SLC35F4: variants seen among roughly 807,000 people sequenced by gnomAD.
The protein encoded by SLC35F4 is solute carrier family 35 member F4, also known as chromosome 14 open reading frame 36.
Under a neutral mutation model 44.2 loss-of-function variants are expected in SLC35F4, and 24 were observed. That is an observed-to-expected ratio of 0.54 (90% CI 0.39 to 0.76). The LOEUF (loss-of-function observed/expected upper bound fraction) is 0.76. Among genes scored for constraint, SLC35F4 ranks in the 30% least tolerant of loss-of-function variants. The pLI, the probability that SLC35F4 is intolerant of heterozygous loss-of-function variation, is 0.00. For missense variants in SLC35F4, 562 were observed against 586.1 expected, an observed-to-expected ratio of 0.96 and a Z score of 0.42; for synonymous variants, 238 against 223.6, an observed-to-expected ratio of 1.06 and a Z score of -0.57.
intron 1 of SLC35F4, among the ~76,000 whole-genome samples, chr14:57,818,754 G>A (rs1882870733): frequency 6.6e-6 from 1 of 152,188 alleles, no homozygotes; most frequent in Non-Finnish European, 1.5e-5. Flanking sequence ...ATGAACTCTA[G>A]AATGGGTTAC....
Position 57,885,136 on chromosome 14 carries a change from C to A in SLC35F4, n.282+96777G>T, listed in dbSNP as rs1172348239. On this transcript the variant is annotated intron_variant and non_coding_transcript_variant, in intron 1 of 1. Coordinates refer to the SLC35F4 transcript ENST00000556568. Reference sequence around the variant, plus strand: ...AGGCTCCTGCCCCCAACACACTTTACAATTCCTTTCTCTTTGTATGAAAAT... The same window carrying A: ...AGGCTCCTGCCCCCAACACACTTTAAAATTCCTTTCTCTTTGTATGAAAAT... Among the ~76,000 whole-genome samples, 3 of 152,142 alleles carry A rather than the reference C, an allele frequency of 2.0e-5. No individual in the cohort carries two copies. The East Asian group carries it at 5.8e-4, about 29-fold the overall frequency.
intron 1 of SLC35F4, among the ~76,000 whole-genome samples, chr14:57,739,952 G>A (rs553363885): frequency 6.4e-4 from 98 of 152,014 alleles, no homozygotes; most frequent in Non-Finnish European, 9.7e-4. Flanking sequence ...CTCTGCCTGC[G>A]GGGTTCAAGC....
intron 1 of SLC35F4, among the ~76,000 whole-genome samples, chr14:57,969,199 TA>T (rs1880979097): frequency 6.6e-6 from 1 of 152,184 alleles, no homozygotes; most frequent in Non-Finnish European, 1.5e-5. Flanking sequence ...ATATCATTCA[TA>T]TTATGCTTAA....
chr14:57,716,065 G>C (rs1384311969), intron 1 of SLC35F4, among the ~76,000 whole-genome samples: 1 of 152,222 alleles, frequency 6.6e-6, no homozygotes, highest in East Asian at 1.9e-4. Flanking sequence ...AGAACCTACA[G>C]TGAGAGCTGC....
chr14:57,766,765 T>C (rs1441344175), intron 1 of SLC35F4, among the ~76,000 whole-genome samples: 1 of 152,162 alleles, frequency 6.6e-6, no homozygotes, highest in Non-Finnish European at 1.5e-5. Flanking sequence ...ATTAAAAGTG[T>C]TCAATAAAAC....
intron 1 of SLC35F4, among the ~76,000 whole-genome samples, chr14:57,738,457 C>A (rs1477851110): frequency 1.3e-5 from 2 of 152,102 alleles, no homozygotes; most frequent in African/African-American, 4.8e-5. Flanking sequence ...CACTTCTGTA[C>A]TGCACATGGG....
In SLC35F4 at chr14:57,581,288, G is replaced by A. The variant is rs766679033; in HGVS notation, c.733C>T (p.Leu245=). The A allele has an allele frequency of 1.9e-6, 3 of 1,613,584 alleles. No homozygotes were observed. The highest frequency in any genetic ancestry group is 1.7e-5 in the Admixed American group (1 of 59,940). ...ACAAAGGCTTTGTTACAACAGAACA[G>A]AGCGGAGACATCCGTGGCCGTCAGC... The part of the protein sequence containing the change: ...KKLTATDVSA[L]FCCNKAFVFL... Residue 245 remains leucine, a synonymous_variant, in exon 4 of 8, where the codon CTG becomes TTG. Coordinates refer to ENST00000556826, the MANE Select transcript of SLC35F4 (RefSeq NM_001306087.2).
intron 1 of SLC35F4, among the ~76,000 whole-genome samples, chr14:57,646,054 T>A (rs1025147896): frequency 6.6e-6 from 1 of 152,230 alleles, no homozygotes; most frequent in Non-Finnish European, 1.5e-5. Context: ...TTTGTACCAA[T>A]GTTCATCAAG....
chr14:57,596,658 G>C, intron 1 of SLC35F4: 1 of 650,776 alleles, frequency 1.5e-6, no homozygotes, highest in South Asian at 1.4e-5. Flanking sequence ...GTTGGGATGG[G>C]ATTGAGATCA....
chr14:57,918,430 CCTCA>C (rs1469635539), intron 1 of SLC35F4, among the ~76,000 whole-genome samples: 1 of 152,132 alleles, frequency 6.6e-6, no homozygotes, highest in Non-Finnish European at 1.5e-5. Flanking sequence ...TTCCCTGTGA[CCTCA>C]CTTCTCTGTC....
chr14:57,871,143 C>T (rs938354443), intron 1 of SLC35F4, among the ~76,000 whole-genome samples: 3 of 152,166 alleles, frequency 2.0e-5, no homozygotes, highest in Non-Finnish European at 4.4e-5. Context: ...ATTAGGCTTC[C>T]CAGCTTCAGC....
intron 1 of SLC35F4, among the ~76,000 whole-genome samples, chr14:57,744,315 A>C (rs2076699251): frequency 6.6e-6 from 1 of 152,220 alleles, no homozygotes; most frequent in Non-Finnish European, 1.5e-5. Context: ...ATGATTGTAT[A>C]TCTAGAAAAC....
chr14:57,833,242 T>C (rs1349175331), intron 1 of SLC35F4, among the ~76,000 whole-genome samples: 1 of 152,206 alleles, frequency 6.6e-6, no homozygotes, highest in Non-Finnish European at 1.5e-5. Context: ...CGGTCCCTAA[T>C]GAGATTACCT....
chr14:57,867,387 C>T (rs1211399125), upstream of SLC35F4, among the ~76,000 whole-genome samples: 1 of 151,998 alleles, frequency 6.6e-6, no homozygotes, highest in African/African-American at 2.4e-5. Context: ...AAGCTTAGCA[C>T]GGGATCTTGA....
At chr14:57,756,132 T>C (rs1385542049) in intron 1 of SLC35F4, among the ~76,000 whole-genome samples, 1 of 152,202 alleles carries the variant, frequency 6.6e-6, no homozygotes, top group Non-Finnish European at 1.5e-5. Context: ...GATTTCATTT[T>C]CTCCTTTTTT....
At chr14:57,877,294 G>A (rs1888418632) in intron 1 of SLC35F4, among the ~76,000 whole-genome samples, 1 of 152,100 alleles carries the variant, frequency 6.6e-6, no homozygotes, top group Non-Finnish European at 1.5e-5. Flanking sequence ...TTGACTTAGG[G>A]TAATAGCCTC....
intron 1 of SLC35F4, among the ~76,000 whole-genome samples, chr14:57,957,536 T>C (rs1419076617): frequency 6.6e-6 from 1 of 152,192 alleles, no homozygotes; most frequent in Non-Finnish European, 1.5e-5. Flanking sequence ...CTCACGGCAC[T>C]TTCTCAGTCA....
At chr14:57,629,986 G>A (rs1357162824) in intron 1 of SLC35F4, 1 of 527,226 alleles carries the variant, frequency 1.9e-6, no homozygotes, top group Non-Finnish European at 3.8e-6. Flanking sequence ...TTTACAGTGT[G>A]AACTTGGTCA....
At chr14:57,979,856 C>T (rs189981097) in intron 1 of SLC35F4, among the ~76,000 whole-genome samples, 2 of 152,326 alleles carry the variant, frequency 1.3e-5, no homozygotes, top group Admixed American at 6.5e-5. Flanking sequence ...GTATCTTTCC[C>T]CAACTCCACA....
Sources: gnomAD v4.1 joint callset for allele counts (sites outside exome capture counted in the v4.1 genomes callset) on GRCh38, gnomAD v4.1.1 for gene constraint, MANE v1.5 for transcripts, NCBI Gene and HGNC (gene_info 2026-07-23, HGNC 2026-07-21) for gene names.